Variants in USP40 observed in about 807,000 individuals in gnomAD.
USP40 encodes the protein ubiquitin specific peptidase 40.
Under a neutral mutation model 166.2 loss-of-function variants are expected in USP40, and 143 were observed. The observed-to-expected ratio is 0.86, with a 90% confidence interval of 0.75 to 0.99. The LOEUF is 0.99. Among genes scored for constraint, USP40 ranks in the 50% least tolerant of loss-of-function variants. USP40 has a pLI of 0.00. For missense variants in USP40, 1,444 were observed against 1,479.7 expected (o/e 0.98, Z 0.40); for synonymous variants, 498 against 524.0 (o/e 0.95, Z 0.68).
At chr2:233,528,058 A>G (rs561986350) in intron 12 of USP40, among the ~76,000 whole-genome samples, 1 of 150,494 alleles carries the variant, frequency 6.6e-6, no homozygotes, top group Non-Finnish European at 1.5e-5. Flanking sequence ...GGCTCACTAC[A>G]ACCTCTACCT....
chr2:233,523,867 C>T (rs1442163983), intron 15 of USP40, among the ~76,000 whole-genome samples: 1 of 152,116 alleles, frequency 6.6e-6, no homozygotes, highest in Non-Finnish European at 1.5e-5. Flanking sequence ...GATTCTCACT[C>T]TTCTAAATTC....
At chr2:233,562,984 G>T (rs553691383) in intron 2 of USP40, among the ~76,000 whole-genome samples, 181 bp from the exon 3 acceptor site, 3 of 152,242 alleles carry the variant, frequency 2.0e-5, no homozygotes, top group Admixed American at 2.0e-4. Context: ...GTGACTCTAA[G>T]AAAATAGTGT....
intron 30 of USP40, among the ~76,000 whole-genome samples, chr2:233,485,239 A>G (rs930379836): frequency 3.9e-5 from 6 of 152,196 alleles, no homozygotes; most frequent in Non-Finnish European, 8.8e-5. Context: ...AGTGTTTTTA[A>G]AAACATACTT....
intron 8 of USP40, among the ~76,000 whole-genome samples, chr2:233,548,671 A>G (rs180805624): frequency 3.0e-4 from 45 of 152,310 alleles, no homozygotes; most frequent in Admixed American, 2.2e-3. Flanking sequence ...TATCAATGTT[A>G]GAAGTTCCTT....
At chr2:233,559,507 T>C (rs2071388332) in intron 4 of USP40, among the ~76,000 whole-genome samples, 1 of 152,228 alleles carries the variant, frequency 6.6e-6, no homozygotes, top group Non-Finnish European at 1.5e-5. Context: ...GTAATCGGTG[T>C]TGTATCTCAA....
chr2:233,510,465 C>T (rs934967523), intron 20 of USP40, among the ~76,000 whole-genome samples: 3 of 125,152 alleles, frequency 2.4e-5, no homozygotes, highest in African/African-American at 9.5e-5. Flanking sequence ...TGCAGTGGAG[C>T]GATCTTGGCT....
At chr2:233,553,941 G>C (rs903285967) in intron 6 of USP40, among the ~76,000 whole-genome samples, 1 of 152,186 alleles carries the variant, frequency 6.6e-6, no homozygotes, top group African/African-American at 2.4e-5. Context: ...ACCTGGGGGA[G>C]GAGGTAAGGC....
intron 9 of USP40, 80 bp downstream of exon 9, chr2:233,542,188 C>T (rs2069481315): frequency 1.5e-6 from 1 of 684,872 alleles, no homozygotes; most frequent in Non-Finnish European, 2.2e-6. Context: ...AAACCGCATA[C>T]ATTCTTACAT....
rs2064185879 is a variant in USP40, at chr2:233,476,447, C to T, written c.*945G>A. 1 of 152,370 alleles carries T rather than the reference C, an allele frequency of 6.6e-6. No homozygotes were observed. Among genetic ancestry groups the T allele is most frequent in the Admixed American group, 6.5e-5 (1 of 15,274 alleles). 9.4% of individuals were successfully genotyped at this position (152,370 alleles called of 1,614,324 possible). A position where few individuals can be genotyped will look rare whatever the true frequency, so the allele number is the denominator to read the frequency against. On this transcript the variant is annotated 3_prime_UTR_variant, in exon 32 of 32. Transcript: ENST00000678225. Reference sequence around the variant, plus strand: ...TAAATCCTTTAAGTTGAATAGAAATCTGGGTTGGATTAAGTGGGAAAACCC... The same window carrying T: ...TAAATCCTTTAAGTTGAATAGAAATTTGGGTTGGATTAAGTGGGAAAACCC...
Position 233,515,785 on chromosome 2 carries a change from C to T in USP40, c.2384-3163G>A, listed in dbSNP as rs143541082. ...CTTATGATAAAGTAACAAAGATTTC[C>T]TCATATGTTTTCTCCCAGAAATTTT... On this transcript the variant is annotated intron_variant, in intron 18 of 31. Transcript: ENST00000678225. Among the ~76,000 whole-genome samples the T allele has an allele frequency of 1.5e-3, 221 of 152,140 alleles. 1 individual carries two copies. The highest frequency in any genetic ancestry group is 5.1e-3 in the African/African-American group (212 of 41,520).
intron 6 of USP40, among the ~76,000 whole-genome samples, chr2:233,552,832 T>C (rs1034090846): frequency 6.6e-6 from 1 of 152,244 alleles, no homozygotes; most frequent in African/African-American, 2.4e-5. Flanking sequence ...TCAATGCTCA[T>C]TTTATTTGCT....
rs2071702070 is a variant in USP40, at chr2:233,562,257, C to CAT, written c.267+477_267+478dup. 2.0e-5 allele frequency among the ~76,000 whole-genome samples: 3 copies of CAT among 146,388 alleles called. No individual in the cohort carries two copies. In the South Asian group the frequency reaches 6.7e-4, roughly 33 times the overall value. ...TATAAATCATGCTGCTATAAAGACA[C>CAT]ATGCACACGTATGTTTATTGTGGCA... On this transcript the variant is annotated intron_variant, in intron 3 of 31. Transcript: ENST00000678225.
intron 24 of USP40, among the ~76,000 whole-genome samples, chr2:233,494,926 A>ATATATATATT (rs2065595476): frequency 6.2e-5 from 2 of 32,028 alleles, no homozygotes; most frequent in South Asian, 1.5e-3. Context: ...ATATATATAT[A>ATATATATATT]TATATATATA....
intron 18 of USP40, chr2:233,512,845 T>C (rs1233983348): frequency 3.8e-6 from 1 of 263,622 alleles, no homozygotes; most frequent in Admixed American, 5.3e-5. Flanking sequence ...GTACAGGCAG[T>C]CTTTGTTTTG....
chr2:233,513,566 C>T (rs1157282920), intron 18 of USP40, among the ~76,000 whole-genome samples: 2 of 152,100 alleles, frequency 1.3e-5, no homozygotes, highest in Non-Finnish European at 2.9e-5. Context: ...AGTTAATATA[C>T]CATATACCAT....
chr2:233,515,368 T>C (rs941845742), intron 18 of USP40, among the ~76,000 whole-genome samples: 3 of 152,210 alleles, frequency 2.0e-5, no homozygotes, highest in African/African-American at 7.2e-5. Flanking sequence ...TTGCTCCACA[T>C]CCTTGCTAAC....
chr2:233,517,529 C>T (rs922196870), intron 18 of USP40, among the ~76,000 whole-genome samples: 5 of 152,002 alleles, frequency 3.3e-5, no homozygotes, highest in African/African-American at 7.3e-5. Flanking sequence ...GAACTACAGG[C>T]GCACACCACC....
At chr2:233,522,686 C>A (rs2067739927) in intron 16 of USP40, among the ~76,000 whole-genome samples, 1 of 152,144 alleles carries the variant, frequency 6.6e-6, no homozygotes, top group Admixed American at 6.5e-5. Flanking sequence ...CGTAACTGCT[C>A]TATTTGGGCA....
intron 10 of USP40, among the ~76,000 whole-genome samples, chr2:233,536,186 T>C (rs954420159): frequency 1.3e-5 from 2 of 152,080 alleles, no homozygotes; most frequent in African/African-American, 4.8e-5. Context: ...CAAACAGCTA[T>C]TATAAATATG....
Sources: allele counts gnomAD v4.1 joint callset (sites outside exome capture counted in the v4.1 genomes callset), GRCh38; gene constraint gnomAD v4.1.1; transcripts MANE v1.5; gene names NCBI Gene and HGNC (gene_info 2026-07-23, HGNC 2026-07-21).